CLEC16A: variants seen among roughly 807,000 people sequenced by gnomAD.
The protein encoded by CLEC16A is protein CLEC16A.
In CLEC16A, 51 loss-of-function variants were observed where a neutral mutation model predicts 109.5. The observed-to-expected ratio is 0.47, with a 90% CI of 0.37 to 0.59. The LOEUF (loss-of-function observed/expected upper bound fraction) is 0.59. Among genes scored for constraint, CLEC16A ranks in the 20% least tolerant of loss-of-function variants. CLEC16A has a pLI of 0.00. For missense variants in CLEC16A, 1,339 were observed against 1,394.0 expected (o/e 0.96, Z 0.63); for synonymous variants, 673 against 564.2 (o/e 1.19, Z -2.73).
chr16:11,110,705 G>A (rs1450147286), intron 19 of CLEC16A, among the ~76,000 whole-genome samples: 1 of 152,124 alleles, frequency 6.6e-6, no homozygotes, highest in Non-Finnish European at 1.5e-5. Flanking sequence ...ATGCATGCTG[G>A]GCACAGCCCC....
chr16:11,019,042 G>A (rs990594343), intron 11 of CLEC16A, among the ~76,000 whole-genome samples: 2 of 152,202 alleles, frequency 1.3e-5, no homozygotes, highest in Non-Finnish European at 2.9e-5. Flanking sequence ...GCCGGGGGGA[G>A]GGAGACCATG....
chr16:11,127,976 T>C (rs1360040097), intron 22 of CLEC16A, among the ~76,000 whole-genome samples: 2 of 152,204 alleles, frequency 1.3e-5, no homozygotes, highest in Non-Finnish European at 2.9e-5. Context: ...GTCAGGAGGA[T>C]TCTTTGCTTA....
Position 11,027,103 on chromosome 16 carries a change from A to G in CLEC16A, c.1537+2182A>G, listed in dbSNP as rs992256206. On this transcript the variant is annotated intron_variant, in intron 13 of 23. Coordinates refer to ENST00000409790, the MANE Select transcript of CLEC16A (RefSeq NM_015226.3). Reference sequence around the variant, plus strand: ...AAGAGGAAGGCTTATCAGGCACTCAAAGCCACCCAGGCAAAGCAGGAACTT... The same window carrying G: ...AAGAGGAAGGCTTATCAGGCACTCAGAGCCACCCAGGCAAAGCAGGAACTT... The G allele has an allele frequency of 8.5e-6, 13 of 1,533,404 alleles. No homozygotes were observed. The Admixed American group carries it at 1.5e-4, about 18-fold the overall frequency. The allele number at this position is 1,533,404 out of a possible 1,614,324, so 95.0% of individuals were successfully genotyped here.
chr16:11,047,229 A>T (rs1567240866), intron 16 of CLEC16A, 63 bp from the exon 17 acceptor site: 2 of 1,401,428 alleles, frequency 1.4e-6, no homozygotes, highest in Non-Finnish European at 2.0e-6. Flanking sequence ...AGTTTATAAT[A>T]CTCTGTTGTT....
chr16:11,009,203 G>A (rs1027168802), intron 11 of CLEC16A, among the ~76,000 whole-genome samples: 1 of 152,098 alleles, frequency 6.6e-6, no homozygotes, highest in East Asian at 1.9e-4. Flanking sequence ...TTTGTGCCTG[G>A]CTTGCATCAC....
At position 11,056,316 on chromosome 16, in the gene CLEC16A, G is replaced by C. The variant is rs376057197; in HGVS notation, c.1996-4586G>C. On this transcript the variant is annotated intron_variant, in intron 18 of 23. Transcript: ENST00000409790. The stretch of plus-strand genomic sequence containing the variant: ...TGCCTCTCAGCTGTTGCCCAGAGTA[G>C]ACGAGTGTGGCTGTGAAGTGACAAG... Among the ~76,000 whole-genome samples the C allele has an allele frequency of 6.7e-4, 102 of 152,336 alleles. 1 individual carries two copies. In the South Asian group the frequency reaches 0.021, roughly 31 times the overall value.
chr16:11,026,145 C>T (rs964844115), intron 13 of CLEC16A, among the ~76,000 whole-genome samples: 16 of 152,192 alleles, frequency 1.1e-4, no homozygotes, highest in Non-Finnish European at 1.9e-4. Flanking sequence ...TCTTGTAATT[C>T]TCTTGTCTGG....
intron 19 of CLEC16A, among the ~76,000 whole-genome samples, chr16:11,095,113 A>G (rs2050531472): frequency 1.3e-5 from 2 of 149,808 alleles, no homozygotes; most frequent in African/African-American, 4.9e-5. Flanking sequence ...TTAAGTGGGT[A>G]GTCTTTTAAA....
intron 19 of CLEC16A, among the ~76,000 whole-genome samples, chr16:11,094,059 T>C (rs529360193): frequency 3.9e-5 from 6 of 152,154 alleles, no homozygotes; most frequent in Non-Finnish European, 8.8e-5. Context: ...TGGTGGTTAA[T>C]TTCTGCCTTC....
intron 19 of CLEC16A, among the ~76,000 whole-genome samples, chr16:11,107,191 A>G (rs2051276125): frequency 6.6e-6 from 1 of 152,060 alleles, no homozygotes; most frequent in African/African-American, 2.4e-5. Flanking sequence ...ATACCCCATT[A>G]TCTACATACC....
chr16:11,156,369 C>CAA (rs1284066021), intron 22 of CLEC16A, among the ~76,000 whole-genome samples: 25 of 53,638 alleles, frequency 4.7e-4, no homozygotes, highest in African/African-American at 5.7e-4. Context: ...GACTCCATCT[C>CAA]AAAAAAAAAA....
At chr16:11,147,700 A>G (rs568813681) in intron 22 of CLEC16A, among the ~76,000 whole-genome samples, 1 of 152,308 alleles carries the variant, frequency 6.6e-6, no homozygotes, top group Non-Finnish European at 1.5e-5. Context: ...TCTCAATGAA[A>G]CTGTTGTATT....
rs547491815 is a variant in CLEC16A at position 11,085,781 on chromosome 16, A to G, written c.2116+24759A>G. ...TCATTTTTGTATTTTTTGTAGAGAA[A>G]GGGTTTCATCTTGTTGCCCAGGCTA... is the stretch of plus-strand genomic sequence containing the variant. On this transcript the variant is annotated intron_variant, in intron 19 of 23. Coordinates refer to ENST00000409790, the MANE Select transcript of CLEC16A (RefSeq NM_015226.3). Among the ~76,000 whole-genome samples, 205 of 152,148 alleles carry G rather than the reference A, an allele frequency of 1.3e-3. 2 individuals carry two copies. The highest frequency in any genetic ancestry group is 4.7e-4 in the Non-Finnish European group (32 of 68,020).
chr16:11,116,288 G>A (rs2051986573), intron 19 of CLEC16A, among the ~76,000 whole-genome samples: 1 of 152,066 alleles, frequency 6.6e-6, no homozygotes, highest in South Asian at 2.1e-4. Context: ...CTAGCTATTA[G>A]GGAGGCTGAG....
intron 19 of CLEC16A, among the ~76,000 whole-genome samples, chr16:11,088,553 C>T (rs1052627748): frequency 3.5e-4 from 53 of 152,332 alleles, no homozygotes; most frequent in African/African-American, 1.3e-3. Flanking sequence ...AAGCTTGGTG[C>T]TCTCAGGGAG....
At chr16:11,158,132 C>T (rs1291401688) in intron 22 of CLEC16A, among the ~76,000 whole-genome samples, 1 of 152,202 alleles carries the variant, frequency 6.6e-6, no homozygotes, top group Non-Finnish European at 1.5e-5. Context: ...AGAAATAAGG[C>T]CATGCACACT....
intron 22 of CLEC16A, among the ~76,000 whole-genome samples, chr16:11,152,744 A>G (rs930498075): frequency 6.6e-6 from 1 of 152,174 alleles, no homozygotes; most frequent in African/African-American, 2.4e-5. Context: ...TGTCCTAATG[A>G]CGTTCCCACA....
chr16:11,018,395 G>T (rs2152797627), intron 11 of CLEC16A, among the ~76,000 whole-genome samples: 1 of 152,200 alleles, frequency 6.6e-6, no homozygotes, highest in Middle Eastern at 3.4e-3. Flanking sequence ...ACCTGGCTAG[G>T]AGAGACCTGG....
At chr16:11,020,826 GCCATCTGTAGCTACATCTTCTTAAA>G (rs1049522688) in intron 12 of CLEC16A, among the ~76,000 whole-genome samples, 2 of 152,198 alleles carry the variant, frequency 1.3e-5, no homozygotes, top group African/African-American at 4.8e-5. Flanking sequence ...TTCATCGATG[GCCATCTGTAGCTACATCTTCTTAAA>G]CCTGGGTGAC....
Sources: gnomAD v4.1 joint callset for allele counts (sites outside exome capture counted in the v4.1 genomes callset) on GRCh38, gnomAD v4.1.1 for gene constraint, MANE v1.5 for transcripts, NCBI Gene and HGNC (gene_info 2026-07-23, HGNC 2026-07-21) for gene names.